Variants in MICOS10 observed in about 807,000 individuals in gnomAD.
The protein encoded by MICOS10 is mitochondrial contact site and cristae organizing system subunit 10.
A neutral mutation model predicts 13.4 loss-of-function variants in MICOS10; 5 were observed. The ratio of observed to expected loss-of-function variants is 0.37; its 90% CI spans 0.20 to 0.78. MICOS10 has a LOEUF of 0.78. MICOS10 is among the 30% of genes least tolerant of loss of function. The pLI, the probability that MICOS10 is intolerant of heterozygous loss-of-function variation, is 0.47. For missense variants in MICOS10, 101 were observed against 94.6 expected, an observed-to-expected ratio of 1.07 and a Z score of -0.28; for synonymous variants, 35 against 33.6, an observed-to-expected ratio of 1.04 and a Z score of -0.15.
chr1:19,610,035 G>C (rs1010081508), intron 1 of MICOS10, among the ~76,000 whole-genome samples: 1 of 152,094 alleles, frequency 6.6e-6, no homozygotes, highest in African/African-American at 2.4e-5. Flanking sequence ...CCAGCTACTC[G>C]GGAGGGTGAG....
intron 1 of MICOS10, among the ~76,000 whole-genome samples, chr1:19,617,921 A>G (rs932080508): frequency 1.3e-5 from 2 of 148,420 alleles, no homozygotes; most frequent in African/African-American, 5.0e-5. Flanking sequence ...ATATATATGT[A>G]TATATATACA....
At chr1:19,608,994 C>A (rs74462546) in intron 1 of MICOS10, among the ~76,000 whole-genome samples, 1 of 60,598 alleles carries the variant, frequency 1.7e-5, no homozygotes, top group South Asian at 5.8e-4. Flanking sequence ...CTTTTCCCAG[C>A]TTTTTTTTTT....
At chr1:19,615,177 C>G (rs2094878926) in intron 1 of MICOS10, among the ~76,000 whole-genome samples, 1 of 152,334 alleles carries the variant, frequency 6.6e-6, no homozygotes. Context: ...CACAAGCTCC[C>G]CAGGGAAGAG....
intron 1 of MICOS10, among the ~76,000 whole-genome samples, chr1:19,616,861 A>C (rs1173981609): frequency 6.6e-6 from 1 of 152,176 alleles, no homozygotes; most frequent in African/African-American, 2.4e-5. Flanking sequence ...CGCTTTGTAG[A>C]TGTTAGTACC....
At position 19,621,315 on chromosome 1, in the gene MICOS10, T is replaced by C. The variant is rs116753528; in HGVS notation, c.65-785T>C. Reference sequence around the variant, plus strand: ...CAGGCCCTTTTGGCTTTGTGAAGACTTGTTACTACCCAGGTTGTCTAGCAT... The same window carrying C: ...CAGGCCCTTTTGGCTTTGTGAAGACCTGTTACTACCCAGGTTGTCTAGCAT... On this transcript the variant is annotated intron_variant, in intron 1 of 3. Coordinates refer to ENST00000322753, the MANE Select transcript of MICOS10 (RefSeq NM_001032363.4). 7.8e-3 allele frequency among the ~76,000 whole-genome samples: 1,190 copies of C among 152,330 alleles called. 14 individuals carry two copies. Among genetic ancestry groups the C allele is most frequent in the African/African-American group, 0.027 (1,121 of 41,568 alleles).
At chr1:19,615,056 T>G (rs1046394877) in intron 1 of MICOS10, among the ~76,000 whole-genome samples, 1 of 152,194 alleles carries the variant, frequency 6.6e-6, no homozygotes, top group Non-Finnish European at 1.5e-5. Flanking sequence ...TGTATTCCCA[T>G]CCTCCTTCTC....
At position 19,627,092 on chromosome 1, in the gene MICOS10, A is replaced by G. The variant is rs527404845; in HGVS notation, c.*691A>G. ...TGGAGGGCGGAGGAAAGCTCATGGC[A>G]TACCCACCTGGCCGGAGGAGCCCGA... On this transcript the variant is annotated 3_prime_UTR_variant, in exon 4 of 4. Transcript: ENST00000322753. The G allele has an allele frequency of 6.6e-6, 1 of 152,326 alleles. No individual in the cohort carries two copies. Among genetic ancestry groups the G allele is most frequent in the Non-Finnish European group, 1.5e-5 (1 of 68,116 alleles). 9.4% of individuals were successfully genotyped at this position (152,326 alleles called of 1,614,324 possible).
chr1:19,603,173 T>C (rs886731342), intron 1 of MICOS10, among the ~76,000 whole-genome samples: 1 of 151,880 alleles, frequency 6.6e-6, no homozygotes, highest in Non-Finnish European at 1.5e-5. Flanking sequence ...CTACTAAAAA[T>C]ACAAAAAATT....
In MICOS10 at chr1:19,611,044, C is replaced by T. The variant is rs183009844; in HGVS notation, c.65-11056C>T. ...TTGGCTCACTGCCACCTCCACCTCC[C>T]GGGTTCAAGCAATTCTCCTTCCTCA... On this transcript the variant is annotated intron_variant, in intron 1 of 3. Transcript: ENST00000322753. Among the ~76,000 whole-genome samples the T allele has an allele frequency of 1.0e-3, 156 of 151,982 alleles. 1 individual carries two copies. The highest frequency in any genetic ancestry group is 4.3e-4 in the African/African-American group (18 of 41,418).
chr1:19,607,848 G>A (rs2094841190), intron 1 of MICOS10, among the ~76,000 whole-genome samples: 1 of 152,216 alleles, frequency 6.6e-6, no homozygotes, highest in South Asian at 2.1e-4. Context: ...AGACAGTGTG[G>A]TGTTGGAGAA....
At chr1:19,604,313 C>T (rs2094826817) in intron 1 of MICOS10, among the ~76,000 whole-genome samples, 1 of 152,086 alleles carries the variant, frequency 6.6e-6, no homozygotes, top group African/African-American at 2.4e-5. Flanking sequence ...TTGAGACCAG[C>T]CTGGCCAACA....
At chr1:19,602,759 ATCTG>A (rs2094820555) in intron 1 of MICOS10, among the ~76,000 whole-genome samples, 4 of 152,062 alleles carry the variant, frequency 2.6e-5, no homozygotes, top group African/African-American at 7.3e-5. Context: ...TGTATGGGTA[ATCTG>A]TCTTAGTACC....
At chr1:19,611,124 G>A (rs2094859126) in intron 1 of MICOS10, among the ~76,000 whole-genome samples, 1 of 151,790 alleles carries the variant, frequency 6.6e-6, no homozygotes, top group African/African-American at 2.4e-5. Flanking sequence ...GCCACTTTTT[G>A]TATTTTTAGT....
chr1:19,624,917 G>T (rs2094916861), intron 3 of MICOS10, among the ~76,000 whole-genome samples: 1 of 152,232 alleles, frequency 6.6e-6, no homozygotes, highest in African/African-American at 2.4e-5. Context: ...ACAATTTTCA[G>T]TGAACAACTT....
At chr1:19,608,569 A>G (rs768351513) in intron 1 of MICOS10, 12 of 860,666 alleles carry the variant, frequency 1.4e-5, no homozygotes, top group Non-Finnish European at 2.3e-5. Flanking sequence ...CCGTCTGTGA[A>G]CAAGATTCCT....
At chr1:19,608,435 C>G in intron 1 of MICOS10, 2 of 1,289,456 alleles carry the variant, frequency 1.6e-6, no homozygotes, top group Non-Finnish European at 2.3e-6. Context: ...GACCAAGACC[C>G]TTGGACCTGG....
rs77349317 is a variant in MICOS10 at position 19,619,148 on chromosome 1, G to A, written c.65-2952G>A. Among the ~76,000 whole-genome samples the A allele has an allele frequency of 6.7e-3, 1,027 of 152,296 alleles. 9 individuals carry two copies. Among genetic ancestry groups the A allele is most frequent in the African/African-American group, 0.022 (923 of 41,554 alleles). On this transcript the variant is annotated intron_variant, in intron 1 of 3. Coordinates refer to ENST00000322753, the MANE Select transcript of MICOS10 (RefSeq NM_001032363.4). ...TTCTGTTTCTGTTCCTCTTCAGTGA[G>A]TTGTTCTTCCTTCATTGAAAGTCCA... is the stretch of plus-strand genomic sequence containing the variant.
At chr1:19,622,449 G>T (rs1570507570) in intron 2 of MICOS10, among the ~76,000 whole-genome samples, 1 of 152,144 alleles carries the variant, frequency 6.6e-6, no homozygotes, top group Non-Finnish European at 1.5e-5. Flanking sequence ...AAGTCTACAC[G>T]CTCAGATATT....
At chr1:19,597,235 C>G in intron 1 of MICOS10, 126 bp downstream of exon 1, 1 of 1,048,382 alleles carries the variant, frequency 9.5e-7, no homozygotes, top group Non-Finnish European at 1.3e-6. Flanking sequence ...CCGGCCCCTC[C>G]GGCCAGGGCG....
Sources: allele counts gnomAD v4.1 joint callset (sites outside exome capture counted in the v4.1 genomes callset), GRCh38; gene constraint gnomAD v4.1.1; transcripts MANE v1.5; gene names NCBI Gene and HGNC (gene_info 2026-07-23, HGNC 2026-07-21).